DNAH11: variants seen among roughly 807,000 people sequenced by gnomAD.
The protein encoded by DNAH11 is dynein axonemal heavy chain 11.
A neutral mutation model predicts 526.0 loss-of-function variants in DNAH11; 442 were observed. The ratio of observed to expected loss-of-function variants is 0.84; its 90% CI spans 0.78 to 0.91. DNAH11 has a LOEUF of 0.91. Among genes scored for constraint, DNAH11 ranks in the 40% least tolerant of loss-of-function variants. DNAH11 has a pLI of 0.00. For synonymous variants in DNAH11, 2,461 were observed against 1,935.9 expected, an observed-to-expected ratio of 1.27 and a Z score of -7.12; for missense variants, 6,989 against 5,448.7, an observed-to-expected ratio of 1.28 and a Z score of -8.90.
chr7:21,608,884 G>C (rs997735898), intron 20 of DNAH11, among the ~76,000 whole-genome samples: 1 of 152,130 alleles, frequency 6.6e-6, no homozygotes, highest in African/African-American at 2.4e-5. Flanking sequence ...TAGTAGGGCT[G>C]GGTGAACTTT....
At chr7:21,812,631 G>T (rs1180435102) in intron 63 of DNAH11, among the ~76,000 whole-genome samples, 1 of 152,156 alleles carries the variant, frequency 6.6e-6, no homozygotes, top group Non-Finnish European at 1.5e-5. Context: ...TCCAGGCTGG[G>T]TGACAGAGTG....
Position 21,894,867 on chromosome 7 carries a change from T to C in DNAH11, c.12934-17T>C. ...ATTGGAAGATATTCACTGTGTGGCT[T>C]TTTTTCTCCATGCAAGGGGGAATTG... On this transcript the variant is annotated splice_polypyrimidine_tract_variant and intron_variant, in intron 78 of 81. Transcript: ENST00000409508. 1 of 1,613,626 alleles carries C rather than the reference T, an allele frequency of 6.2e-7. No individual in the cohort carries two copies. The highest frequency in any genetic ancestry group is 8.5e-7 in the Non-Finnish European group (1 of 1,179,658).
At chr7:21,877,250 C>T (rs1783749212) in intron 74 of DNAH11, among the ~76,000 whole-genome samples, 1 of 152,070 alleles carries the variant, frequency 6.6e-6, no homozygotes, top group Non-Finnish European at 1.5e-5. Context: ...TGCTCTGTCA[C>T]CCAGGCTGAA....
Position 21,864,619 on chromosome 7 carries a change from G to A in DNAH11, c.11458G>A (p.Val3820Ile), listed in dbSNP as rs777011433. The stretch of plus-strand genomic sequence containing the variant: ...AGTTGAACACACTCATCTGAGTCCC[G>A]TTGACTTCCTAACTTCTCAGTCATG... ...FTVEHTHLSPVDFLTSQSWSA... is the reference protein window; with the variant it reads ...FTVEHTHLSPIDFLTSQSWSA... Residue 3820 changes from valine (V) to isoleucine (I), a missense_variant, in exon 70 of 82, where the codon GTT (valine) becomes ATT (isoleucine). Physicochemically the swap from Val to Ile is conservative, Grantham distance 29 (BLOSUM62 3). Coordinates refer to ENST00000409508, the MANE Select transcript of DNAH11 (RefSeq NM_001277115.2). 6.3e-5 allele frequency: 101 copies of A among 1,607,026 alleles called. No individual in the cohort carries two copies. The highest frequency in any genetic ancestry group is 5.6e-4 in the South Asian group (50 of 89,598).
chr7:21,807,823 C>G, intron 62 of DNAH11, 60 bp from the exon 63 acceptor site: 1 of 1,509,556 alleles, frequency 6.6e-7, no homozygotes, highest in South Asian at 1.3e-5. Context: ...TTGCATTAAG[C>G]ATTTGTGGAG....
At chr7:21,851,629 G>A (rs1327983802) in intron 66 of DNAH11, 5 of 471,226 alleles carry the variant, frequency 1.1e-5, no homozygotes, top group African/African-American at 2.0e-5. Flanking sequence ...GAACCGGATG[G>A]CATTTCCTGG....
At chr7:21,612,409 G>T (rs527971245) in intron 20 of DNAH11, among the ~76,000 whole-genome samples, 2 of 152,020 alleles carry the variant, frequency 1.3e-5, no homozygotes, top group East Asian at 3.9e-4. Context: ...CAAAAAATTA[G>T]CCGGGCGTGG....
intron 39 of DNAH11, 146 bp from the exon 40 acceptor site, chr7:21,707,553 A>C: frequency 1.0e-6 from 1 of 953,220 alleles, no homozygotes; most frequent in Non-Finnish European, 1.5e-6. Context: ...GAATGCACAC[A>C]TGTGCATTTT....
chr7:21,692,419 C>T (rs528818799), intron 35 of DNAH11, among the ~76,000 whole-genome samples: 54 of 152,236 alleles, frequency 3.5e-4, no homozygotes, highest in African/African-American at 1.2e-3. Flanking sequence ...TAAATGAAAC[C>T]AGACAATATG....
At chr7:21,788,612 C>T (rs1788295419) in intron 60 of DNAH11, among the ~76,000 whole-genome samples, 1 of 152,148 alleles carries the variant, frequency 6.6e-6, no homozygotes, top group South Asian at 2.1e-4. Flanking sequence ...CCTAAATTCT[C>T]AGATGGTCCA....
At position 21,619,119 on chromosome 7, in the gene DNAH11, A is replaced by G; in HGVS notation, c.4274A>G (p.Glu1425Gly). The change falls in exon 24 of 82, where the codon GAA (glutamate) becomes GGA (glycine). Residue 1425 changes from glutamate (E) to glycine (G), a missense_variant. Coordinates refer to ENST00000409508, the MANE Select transcript of DNAH11 (RefSeq NM_001277115.2). ...AATCAGGTCAAGTTTTTAATAAATG[A>G]AGCCACAACTTTGGCAGATTTGTTA... ...KAIGVKFLIN[E>G]ATTLADLLAL... The G allele has an allele frequency of 6.2e-7, 1 of 1,613,652 alleles. No homozygotes were observed. Among genetic ancestry groups the G allele is most frequent in the Non-Finnish European group, 8.5e-7 (1 of 1,179,668 alleles).
chr7:21,878,388 A>C lies in DNAH11; in HGVS notation c.12196-2314A>C, dbSNP rs543140403. On this transcript the variant is annotated intron_variant, in intron 74 of 81. Transcript: ENST00000409508. ...TTATGTGGACTATCTGTAATTCAGA[A>C]AGGTATTAAGTGATTTGTTAGATCA... 5.1e-4 allele frequency among the ~76,000 whole-genome samples: 78 copies of C among 152,336 alleles called. 2 individuals carry two copies. In the South Asian group the frequency reaches 0.014, roughly 28 times the overall value.
rs375459428 is a variant in DNAH11, at chr7:21,599,812, A to G, written c.2693A>G (p.Asn898Ser). The G allele has an allele frequency of 1.4e-5, 22 of 1,582,476 alleles. No homozygotes were observed. The African/African-American group carries it at 1.5e-4, about 11-fold the overall frequency. The change falls in exon 15 of 82, where the codon AAT (asparagine) becomes AGT (serine). Residue 898 changes from asparagine (N) to serine (S), a missense_variant. Transcript: ENST00000409508. ...GAAAATAGGAAGCTCTTCAAAGCCA[A>G]TCCCTCTCTGGATACCTGGAAAATT... is the stretch of plus-strand genomic sequence containing the variant. ...VEENRKLFKANPSLDTWKIYV... is the reference protein window; with the variant it reads ...VEENRKLFKASPSLDTWKIYV...
intron 81 of DNAH11, 31 bp from the exon 82 acceptor site, chr7:21,900,976 C>A (rs1784786213): frequency 1.3e-6 from 2 of 1,537,864 alleles, no homozygotes; most frequent in Non-Finnish European, 1.7e-6. Context: ...CAAGCTGCCA[C>A]ACAATTGCAA....
In DNAH11 at chr7:21,704,514, T is replaced by C. The variant is rs769932199; in HGVS notation, c.6354T>C (p.Gly2118=). The C allele has an allele frequency of 6.8e-6, 11 of 1,613,786 alleles. No homozygotes were observed. The highest frequency in any genetic ancestry group is 8.5e-6 in the Non-Finnish European group (10 of 1,179,868). Reference sequence around the variant, plus strand: ...TCCCAGTGTTTCTGGGCCTGGTCGGTGACCTGTTTCCAGCCCTGGATGTGC... The same window carrying C: ...TCCCAGTGTTTCTGGGCCTGGTCGGCGACCTGTTTCCAGCCCTGGATGTGC... ...DDIPVFLGLV[G]DLFPALDVPR... Residue 2118 remains glycine, a synonymous_variant, in exon 38 of 82, where the codon GGT becomes GGC. Coordinates refer to ENST00000409508, the MANE Select transcript of DNAH11 (RefSeq NM_001277115.2).
intron 14 of DNAH11, among the ~76,000 whole-genome samples, chr7:21,595,876 C>T (rs1784841312): frequency 6.6e-6 from 1 of 150,662 alleles, no homozygotes; most frequent in Admixed American, 6.6e-5. Flanking sequence ...TCTTAGGAGA[C>T]CAGGGAGAAG....
rs1782744643 is a variant in DNAH11 at position 21,854,218 on chromosome 7, A to C, written c.11062-97A>C. On this transcript the variant is annotated intron_variant, in intron 67 of 81. Transcript: ENST00000409508. ...ATGCATGTTATCTATTTTAATACTC[A>C]TAATTTTTCATTTCAGGTACGTCCT... 2.2e-6 allele frequency: 3 copies of C among 1,352,638 alleles called. No homozygotes were observed. The South Asian group carries it at 4.2e-5, about 19-fold the overall frequency. The allele number at this position is 1,352,638 out of a possible 1,614,324, so 83.8% of individuals were successfully genotyped here.
intron 68 of DNAH11, 61 bp downstream of exon 68, chr7:21,854,516 A>G (rs1177524745): frequency 5.5e-6 from 8 of 1,463,440 alleles, no homozygotes; most frequent in Non-Finnish European, 7.5e-6. Flanking sequence ...TTTCTGGAAC[A>G]TTGGAATTTA....
intron 65 of DNAH11, among the ~76,000 whole-genome samples, chr7:21,824,582 A>T (rs1308033769): frequency 6.6e-6 from 1 of 152,210 alleles, no homozygotes; most frequent in Non-Finnish European, 1.5e-5. Flanking sequence ...AAGAACTACA[A>T]ATAGTCAATA....
Sources: allele counts gnomAD v4.1 joint callset (sites outside exome capture counted in the v4.1 genomes callset), GRCh38; gene constraint gnomAD v4.1.1; transcripts MANE v1.5; gene names NCBI Gene and HGNC (gene_info 2026-07-23, HGNC 2026-07-21).